Variants in DCHS2 observed in about 807,000 individuals in gnomAD.
DCHS2 encodes the protein protocadherin-23.
Under a neutral mutation model 182.4 loss-of-function variants are expected in DCHS2, and 142 were observed. The observed-to-expected ratio is 0.78, with a 90% CI of 0.68 to 0.89. The LOEUF (loss-of-function observed/expected upper bound fraction) is 0.89. DCHS2 is among the 40% of genes least tolerant of loss of function. The pLI is 0.00. For synonymous variants in DCHS2, 1,740 were observed against 1,663.3 expected (o/e 1.05, Z -1.12); for missense variants, 4,319 against 4,198.6 (o/e 1.03, Z -0.79).
chr4:154,331,670 C>A, intron 5 of DCHS2: 1 of 1,613,954 alleles, frequency 6.2e-7, no homozygotes, highest in South Asian at 1.1e-5. Flanking sequence ...CTAAAGGCAG[C>A]AGCACCATCT....
At chr4:154,409,599 G>A (rs1732539178) in intron 1 of DCHS2, among the ~76,000 whole-genome samples, 1 of 151,986 alleles carries the variant, frequency 6.6e-6, no homozygotes, top group Non-Finnish European at 1.5e-5. Flanking sequence ...AACATGCCTT[G>A]GAGACTCACC....
Position 154,333,042 on chromosome 4 carries a change from C to T in DCHS2, c.3166G>A (p.Glu1056Lys), listed in dbSNP as rs1350659257. 2.5e-6 allele frequency: 4 copies of T among 1,614,130 alleles called. No homozygotes were observed. Among genetic ancestry groups the T allele is most frequent in the Admixed American group, 1.7e-5 (1 of 60,032 alleles). ...QRELTLTLRA[E>K]DQGVHPQAAL... ...GCCTGAGGATGCACGCCTTGGTCCT[C>T]GGCCCTGAGAGTCAGCGTGAGCTCC... The change falls in exon 5 of 20, where the codon GAG (glutamate) becomes AAG (lysine). Residue 1056 changes from glutamate (E) to lysine (K), a missense_variant. Coordinates refer to ENST00000357232, the MANE Select transcript of DCHS2 (RefSeq NM_001358235.2).
At chr4:154,343,367 G>A (rs1729201034) in intron 3 of DCHS2, 2 of 1,136,906 alleles carry the variant, frequency 1.8e-6, no homozygotes, top group Non-Finnish European at 2.3e-6. Flanking sequence ...CTGAAGCCAG[G>A]CATTGACTTC....
intron 1 of DCHS2, among the ~76,000 whole-genome samples, chr4:154,389,428 G>C (rs1731569039): frequency 6.7e-6 from 1 of 149,348 alleles, no homozygotes; most frequent in Non-Finnish European, 1.5e-5. Flanking sequence ...TCAGGGGCTT[G>C]TTTGACATCC....
intron 14 of DCHS2, among the ~76,000 whole-genome samples, chr4:154,266,848 G>C (rs1286839010): frequency 6.6e-6 from 1 of 152,110 alleles, no homozygotes; most frequent in Non-Finnish European, 1.5e-5. Context: ...TGTTCGTTCT[G>C]CTTTAGTTTC....
At chr4:154,325,196 C>T (rs982880550) in intron 7 of DCHS2, among the ~76,000 whole-genome samples, 1 of 151,826 alleles carries the variant, frequency 6.6e-6, no homozygotes, top group Non-Finnish European at 1.5e-5. Context: ...CCTTTTTCCC[C>T]GTAGAAAGTC....
At chr4:154,271,350 G>A (rs1446783480) in intron 13 of DCHS2, among the ~76,000 whole-genome samples, 1 of 152,148 alleles carries the variant, frequency 6.6e-6, no homozygotes, top group Non-Finnish European at 1.5e-5. Flanking sequence ...ACTCAAATCT[G>A]CTATTGTAGC....
At position 154,366,384 on chromosome 4, in the gene DCHS2, G is replaced by A. The variant is rs186939809; in HGVS notation, c.2302C>T (p.His768Tyr). The A allele has an allele frequency of 2.9e-5, 46 of 1,613,854 alleles. No individual in the cohort carries two copies. The African/African-American group carries it at 4.9e-4, about 17-fold the overall frequency. ...RVDLEDVNDN[H>Y]PVFNPSTYVT... ...TAGGTTGATGGGTTAAACACAGGAT[G>A]ATTATCATTCACGTCCTCCAGGTCC... is the stretch of plus-strand genomic sequence containing the variant. The change falls in exon 3 of 20, where the codon CAT (histidine) becomes TAT (tyrosine). Residue 768 changes from histidine to tyrosine, a missense_variant. Coordinates refer to ENST00000357232, the MANE Select transcript of DCHS2 (RefSeq NM_001358235.2).
chr4:154,469,302 T>C (rs1304478277), intron 1 of DCHS2, among the ~76,000 whole-genome samples: 1 of 152,074 alleles, frequency 6.6e-6, no homozygotes, highest in Non-Finnish European at 1.5e-5. Context: ...ATTTAAAATT[T>C]TAAAAAGTGT....
At chr4:154,454,642 C>G (rs1475821757) in intron 1 of DCHS2, among the ~76,000 whole-genome samples, 1 of 152,128 alleles carries the variant, frequency 6.6e-6, no homozygotes, top group Non-Finnish European at 1.5e-5. Flanking sequence ...CTATGACCCC[C>G]CTCCCATTCA....
chr4:154,391,982 T>C (rs1337669420), intron 1 of DCHS2, among the ~76,000 whole-genome samples: 3 of 152,094 alleles, frequency 2.0e-5, no homozygotes, highest in African/African-American at 7.2e-5. Context: ...ATATACTATA[T>C]ACTAACAGGT....
chr4:154,365,296 T>C (rs1344568474), intron 3 of DCHS2, among the ~76,000 whole-genome samples: 4 of 152,188 alleles, frequency 2.6e-5, no homozygotes, highest in Non-Finnish European at 4.4e-5. Flanking sequence ...TAATCTTAGC[T>C]ATTAATACAT....
intron 1 of DCHS2, among the ~76,000 whole-genome samples, chr4:154,436,690 G>A (rs189619499): frequency 1.1e-3 from 173 of 152,156 alleles, no homozygotes; most frequent in Admixed American, 2.6e-3. Context: ...TTTTTATTTG[G>A]GCTAAAATTT....
In DCHS2 at chr4:154,365,239, C is replaced by CA. The variant is rs371331489; in HGVS notation, c.2476+970dup. ...GACTAAGGGAATGCCAGACCTAGTA[C>CA]AAAAAAAAAGGATCTACTTTGGACG... On this transcript the variant is annotated intron_variant, in intron 3 of 19. Transcript: ENST00000357232. Among the ~76,000 whole-genome samples, 1,073 of 149,970 alleles carry CA rather than the reference C, an allele frequency of 7.2e-3. 8 individuals are homozygous for CA. The highest frequency in any genetic ancestry group is 0.025 in the African/African-American group (1,008 of 40,912).
chr4:154,300,836 G>A (rs1159567611), intron 12 of DCHS2, among the ~76,000 whole-genome samples: 1 of 152,170 alleles, frequency 6.6e-6, no homozygotes, highest in Non-Finnish European at 1.5e-5. Flanking sequence ...ATATTAAGGA[G>A]AAAAAATAAG....
Position 154,235,381 on chromosome 4 carries a change from A to G in DCHS2, c.9271T>C (p.Ser3091Pro). ...CCTTCCACAGAACAGTGGCCACTGGAGTTTGAGTGTCTGTACAGATTGACA... is the reference window on the plus strand; with the variant it reads ...CCTTCCACAGAACAGTGGCCACTGGGGTTTGAGTGTCTGTACAGATTGACA... ...DIVNLYRHSN[S>P]SGHCSVEGET... Residue 3091 changes from serine to proline, a missense_variant, in exon 20 of 20, where the codon TCC becomes CCC. Physicochemically the swap from Ser to Pro is moderately conservative, Grantham distance 74. Transcript: ENST00000357232. 1 of 1,613,986 alleles carries G rather than the reference A, an allele frequency of 6.2e-7. No homozygotes were observed. Among genetic ancestry groups the G allele is most frequent in the Non-Finnish European group, 8.5e-7 (1 of 1,179,962 alleles).
At chr4:154,306,348 A>G (rs1168168456) in intron 10 of DCHS2, among the ~76,000 whole-genome samples, 2 of 152,122 alleles carry the variant, frequency 1.3e-5, no homozygotes, top group African/African-American at 2.4e-5. Context: ...TCATTCTATT[A>G]TTAGGCATTA....
intron 15 of DCHS2, among the ~76,000 whole-genome samples, chr4:154,255,990 T>C (rs1240841213): frequency 6.6e-6 from 1 of 152,134 alleles, no homozygotes; most frequent in Non-Finnish European, 1.5e-5. Context: ...GTTCCAATAG[T>C]GTATATGAAT....
At chr4:154,406,216 C>T (rs761417234) in intron 1 of DCHS2, among the ~76,000 whole-genome samples, 1 of 152,242 alleles carries the variant, frequency 6.6e-6, no homozygotes, top group Non-Finnish European at 1.5e-5. Context: ...CACGCAGATT[C>T]TCAGAACTTC....
Sources: allele counts gnomAD v4.1 joint callset (sites outside exome capture counted in the v4.1 genomes callset), GRCh38; gene constraint gnomAD v4.1.1; transcripts MANE v1.5; gene names NCBI Gene and HGNC (gene_info 2026-07-23, HGNC 2026-07-21).